The following ZNF718 variants were observed in gnomAD, a reference collection of about 807,000 sequenced individuals.
The protein encoded by ZNF718 is zinc finger protein 718.
A neutral mutation model predicts 2.6 loss-of-function variants in ZNF718; 3 were observed. The ratio of observed to expected loss-of-function variants is 1.16; its 90% confidence interval spans 0.53 to 3.01. ZNF718 has a LOEUF of 3.01. ZNF718 is among the 30% of genes most tolerant of loss of function. The pLI, the probability that ZNF718 is intolerant of heterozygous loss-of-function variation, is 0.03. For synonymous variants in ZNF718, 135 were observed against 77.9 expected, an observed-to-expected ratio of 1.73 and a Z score of -3.86; for missense variants, 468 against 230.0, an observed-to-expected ratio of 2.03 and a Z score of -6.69.
intron 3 of ZNF718, among the ~76,000 whole-genome samples, chr4:139,178 T>G (rs1409099389): frequency 6.6e-6 from 1 of 152,222 alleles, no homozygotes; most frequent in African/African-American, 2.4e-5. Context: ...TTGTGGGGTA[T>G]TACTCAAGAC....
At chr4:147,448 A>C (rs1159696050) in intron 3 of ZNF718, among the ~76,000 whole-genome samples, 2 of 152,160 alleles carry the variant, frequency 1.3e-5, no homozygotes, top group Non-Finnish European at 2.9e-5. Context: ...AGTTAAGTGC[A>C]TTGGAGCCAG....
rs1716976020 is a variant in ZNF718, at chr4:163,192, T to C, written c.*1070T>C. 1 of 151,932 alleles carries C rather than the reference T, an allele frequency of 6.6e-6. No individual in the cohort carries two copies. Among genetic ancestry groups the C allele is most frequent in the Non-Finnish European group, 1.5e-5 (1 of 67,916 alleles). The allele number at this position is 151,932 out of a possible 1,614,324, so 9.4% of individuals were successfully genotyped here. A position where few individuals can be genotyped will look rare whatever the true frequency, so the allele number is the denominator to read the frequency against. Reference sequence around the variant, plus strand: ...TAGGTGGGCATCATTCATGAACTTTTTTTTTTTTTTTGAGACGGAGTCTCG... The same window carrying C: ...TAGGTGGGCATCATTCATGAACTTTCTTTTTTTTTTTGAGACGGAGTCTCG... On this transcript the variant is annotated 3_prime_UTR_variant, in exon 4 of 4. Coordinates refer to ENST00000510175, the MANE Select transcript of ZNF718 (RefSeq NM_001039127.6).
rs181600397 is a variant in ZNF718, at chr4:133,719, A to G, written c.226+2214A>G. On this transcript the variant is annotated intron_variant, in intron 3 of 3. Transcript: ENST00000510175. ...ACATATAGCAACAATGTTCATTTAA[A>G]GATGCACTTTTCATGAACCTATTTT... Among the ~76,000 whole-genome samples the G allele has an allele frequency of 1.8e-3, 275 of 152,372 alleles. 1 individual carries two copies. The highest frequency in any genetic ancestry group is 6.0e-3 in the African/African-American group (249 of 41,586).
At chr4:197,181 C>A (rs782570497) in intron 3 of ZNF718, among the ~76,000 whole-genome samples, 8 of 151,888 alleles carry the variant, frequency 5.3e-5, no homozygotes, top group Non-Finnish European at 1.0e-4. Context: ...GTTGACATGT[C>A]CTTTACTCAG....
At chr4:136,376 A>G (rs1418084201) in intron 3 of ZNF718, 1 of 520,354 alleles carries the variant, frequency 1.9e-6, no homozygotes, top group Non-Finnish European at 3.8e-6. Flanking sequence ...CTCCAGGTCC[A>G]TGGCTGGGTG....
At chr4:186,064 T>C (rs1581481763) in intron 3 of ZNF718, among the ~76,000 whole-genome samples, 3 of 152,198 alleles carry the variant, frequency 2.0e-5, no homozygotes, top group Admixed American at 2.0e-4. Flanking sequence ...TTTTATAGAC[T>C]TGTTTATGTG....
chr4:128,848 A>G (rs2108778797), intron 1 of ZNF718, among the ~76,000 whole-genome samples: 1 of 104,318 alleles, frequency 9.6e-6, no homozygotes, highest in African/African-American at 3.3e-5. Flanking sequence ...TTGGTGAAAA[A>G]TGAGGAATCT....
intron 3 of ZNF718, among the ~76,000 whole-genome samples, chr4:142,505 G>A (rs1442303619): frequency 6.6e-6 from 1 of 152,152 alleles, no homozygotes; most frequent in Admixed American, 6.5e-5. Context: ...CACACCGTGG[G>A]CTAAAGAGAC....
intron 3 of ZNF718, among the ~76,000 whole-genome samples, chr4:171,304 G>C (rs1553817913): frequency 1.3e-5 from 2 of 152,254 alleles, no homozygotes; most frequent in Admixed American, 1.3e-4. Context: ...ACGCACTTGA[G>C]GAGGCACTCT....
Position 161,874 on chromosome 4 carries a change from T to C in ZNF718, c.1189T>C (p.Cys397Arg). ...TCACTCTGGAAAAAATCCCTACAAA[T>C]GTGAAGATTGTGGCAAAGCCTTTAA... is the stretch of plus-strand genomic sequence containing the variant. ...RIHSGKNPYK[C>R]EDCGKAFKVF... Residue 397 changes from cysteine (C) to arginine (R), a missense_variant, in exon 4 of 4, where the codon TGT becomes CGT. Physicochemically the swap from Cys to Arg is radical, Grantham distance 180. Transcript: ENST00000510175. 1.3e-6 allele frequency: 1 copy of C among 780,698 alleles called. No homozygotes were observed. Among genetic ancestry groups the C allele is most frequent in the Non-Finnish European group, 2.4e-6 (1 of 417,946 alleles). The allele number at this position is 780,698 out of a possible 1,614,324, so 48.4% of individuals were successfully genotyped here.
At chr4:125,838 A>G (rs1220140941) in intron 1 of ZNF718, among the ~76,000 whole-genome samples, 2 of 152,198 alleles carry the variant, frequency 1.3e-5, no homozygotes, top group Non-Finnish European at 2.9e-5. Context: ...AATTGTGCCC[A>G]TGGCAGTTTT....
At chr4:182,055 T>TAGCTCA (rs1304198071) in intron 3 of ZNF718, among the ~76,000 whole-genome samples, 2 of 152,202 alleles carry the variant, frequency 1.3e-5, no homozygotes, top group Non-Finnish European at 2.9e-5. Flanking sequence ...TTTCTTTATC[T>TAGCTCA]AGCCTGTCAT....
chr4:160,990 G>A lies in ZNF718; in HGVS notation c.305G>A (p.Gly102Glu), dbSNP rs782312076. 3.8e-6 allele frequency: 3 copies of A among 780,898 alleles called. No individual in the cohort carries two copies. The South Asian group carries it at 4.0e-5, about 10-fold the overall frequency. 48.4% of individuals were successfully genotyped at this position (780,898 alleles called of 1,614,324 possible). ...TCATTCCACAAACTTATACCAAAAG[G>A]ACATGAGAAACGTGGACATGAGAAT... is the stretch of plus-strand genomic sequence containing the variant. Reference protein sequence around the residue: ...EDSFHKLIPKGHEKRGHENLR... With the variant: ...EDSFHKLIPKEHEKRGHENLR... Residue 102 changes from glycine (G) to glutamate (E), a missense_variant, in exon 4 of 4, where the codon GGA (glycine) becomes GAA (glutamate). Gly to Glu is a moderately conservative substitution (Grantham distance 98). Coordinates refer to ENST00000510175, the MANE Select transcript of ZNF718 (RefSeq NM_001039127.6).
intron 3 of ZNF718, among the ~76,000 whole-genome samples, chr4:158,945 G>C (rs1716698496): frequency 6.8e-6 from 1 of 147,938 alleles, no homozygotes; most frequent in East Asian, 2.0e-4. Context: ...TTCAGCATTT[G>C]GTTATCTTGC....
chr4:142,830 CTT>C (rs1175009701), intron 3 of ZNF718, among the ~76,000 whole-genome samples: 2 of 152,152 alleles, frequency 1.3e-5, no homozygotes, highest in African/African-American at 4.8e-5. Context: ...TAAGTAAACT[CTT>C]TATCTGGCTC....
intron 3 of ZNF718, among the ~76,000 whole-genome samples, chr4:139,927 A>G (rs1349770787): frequency 6.6e-6 from 1 of 152,120 alleles, no homozygotes; most frequent in African/African-American, 2.4e-5. Context: ...TGGTTTGCTT[A>G]AGGAACCTGG....
Position 124,624 on chromosome 4 carries a change from T to A in ZNF718, c.-47T>A. Reference sequence around the variant, plus strand: ...TCTGTGGCTCTGTGACCTGCCGGTATTGGATGATTCGTATCTAAGACTCTG... The same window carrying A: ...TCTGTGGCTCTGTGACCTGCCGGTAATGGATGATTCGTATCTAAGACTCTG... On this transcript the variant is annotated 5_prime_UTR_variant, in exon 1 of 4. It adds an upstream start codon to the 5' untranslated region. Coordinates refer to ENST00000510175, the MANE Select transcript of ZNF718 (RefSeq NM_001039127.6). 1 of 1,604,236 alleles carries A rather than the reference T, an allele frequency of 6.2e-7. No homozygotes were observed. The highest frequency in any genetic ancestry group is 1.1e-5 in the South Asian group (1 of 91,058).
chr4:145,663 G>A (rs980639619), intron 3 of ZNF718, among the ~76,000 whole-genome samples: 7 of 151,956 alleles, frequency 4.6e-5, no homozygotes, highest in African/African-American at 1.7e-4. Flanking sequence ...TTGCCATGTT[G>A]CTCAGGCTGG....
At chr4:191,136 A>G (rs1717685178) in intron 3 of ZNF718, among the ~76,000 whole-genome samples, 1 of 150,078 alleles carries the variant, frequency 6.7e-6, no homozygotes, top group Non-Finnish European at 1.5e-5. Context: ...CAAAAACCAG[A>G]CATAAGTCTT....
Sources: gnomAD v4.1 joint callset for allele counts (sites outside exome capture counted in the v4.1 genomes callset) on GRCh38, gnomAD v4.1.1 for gene constraint, MANE v1.5 for transcripts, NCBI Gene and HGNC (gene_info 2026-07-23, HGNC 2026-07-21) for gene names.